Variants in PTGES3L observed in about 807,000 individuals in gnomAD.
PTGES3L encodes the protein putative protein PTGES3L.
In PTGES3L, 17 loss-of-function variants were observed where a neutral mutation model predicts 25.0. The observed-to-expected ratio is 0.68, with a 90% CI of 0.47 to 1.02. The LOEUF is 1.02. PTGES3L is among the 50% of genes least tolerant of loss of function. The pLI, the probability that PTGES3L is intolerant of heterozygous loss-of-function variation, is 0.00. For synonymous variants in PTGES3L, 59 were observed against 65.7 expected (o/e 0.90, Z 0.50); for missense variants, 202 against 197.5 (o/e 1.02, Z -0.14).
chr17:42,973,019 G>A (rs1349672381), intron 4 of PTGES3L, among the ~76,000 whole-genome samples: 2 of 141,326 alleles, frequency 1.4e-5, no homozygotes, highest in African/African-American at 2.7e-5. Context: ...CCGCGACCCC[G>A]TCTGGGAGGT....
At chr17:42,974,722 G>A (rs531759278) in intron 4 of PTGES3L, among the ~76,000 whole-genome samples, 2 of 149,120 alleles carry the variant, frequency 1.3e-5, no homozygotes, top group African/African-American at 2.5e-5. Flanking sequence ...GCAGTGAGTC[G>A]AGATCACGCC....
chr17:42,979,387 C>T lies in PTGES3L; in HGVS notation c.180G>A (p.Val60=), dbSNP rs746017027. The T allele has an allele frequency of 3.1e-6, 5 of 1,614,168 alleles. No homozygotes were observed. Among genetic ancestry groups the T allele is most frequent in the Non-Finnish European group, 4.2e-6 (5 of 1,180,024 alleles). Residue 60 remains valine (V), a synonymous_variant, in exon 3 of 7, where the codon GTG becomes GTA. Transcript: ENST00000591916. ...CCCATTTCACCCTTACCTTGGAGTT[C>T]ACTTTGGCATAGAACTCAATCTCAT... ...LYNEIEFYAK[V]NSKDSQDKRS...
chr17:42,979,829 G>A lies in PTGES3L; in HGVS notation c.9-166C>T, dbSNP rs750120984. 406 of 1,423,922 alleles carry A rather than the reference G, an allele frequency of 2.9e-4. 3 individuals are homozygous for A. The Middle Eastern group carries it at 9.6e-3, about 34-fold the overall frequency. The allele number at this position is 1,423,922 out of a possible 1,614,324, so 88.2% of individuals were successfully genotyped here. On this transcript the variant is annotated intron_variant, in intron 1 of 6. Transcript: ENST00000591916. ...GGAATGACAGGAGTGGGTGGGTGTG[G>A]TGAATGTGAACCTGGGAAGAATAGA...
At chr17:42,979,793 T>A (rs1271332463) in intron 1 of PTGES3L, 130 bp from the exon 2 acceptor site, 1 of 1,435,918 alleles carries the variant, frequency 7.0e-7, no homozygotes, top group Non-Finnish European at 9.4e-7. Flanking sequence ...ACAGAAGGGG[T>A]GAAAGGGAAG....
rs1390852635 is a variant in PTGES3L, at chr17:42,972,619, C to T, written c.289-923G>A. On this transcript the variant is annotated intron_variant, in intron 4 of 6. Coordinates refer to ENST00000591916, the MANE Select transcript of PTGES3L (RefSeq NM_001261430.2). Reference sequence around the variant, plus strand: ...GATTGCAGACGGAGTCTCGTTCACTCAGTGCTCAATGGTGCCCAGGCTGGA... The same window carrying T: ...GATTGCAGACGGAGTCTCGTTCACTTAGTGCTCAATGGTGCCCAGGCTGGA... Among the ~76,000 whole-genome samples, 3 of 152,236 alleles carry T rather than the reference C, an allele frequency of 2.0e-5. No individual in the cohort carries two copies. In the East Asian group the frequency reaches 5.8e-4, roughly 30 times the overall value.
chr17:42,973,645 A>C (rs1424317602), intron 4 of PTGES3L, among the ~76,000 whole-genome samples: 3 of 149,344 alleles, frequency 2.0e-5, no homozygotes, highest in African/African-American at 7.3e-5. Context: ...TTTGTTCTGC[A>C]CTAAGAAAAA....
Position 42,969,101 on chromosome 17 carries a change from A to T in PTGES3L, c.*47T>A, listed in dbSNP as rs2049782736. ...GCCTAGGCGCTAGCTTTCTAGAACA[A>T]CTGGAAAATAGCCACAGCTGCCTTC... On this transcript the variant is annotated 3_prime_UTR_variant, in exon 7 of 7. Transcript: ENST00000591916. The T allele has an allele frequency of 6.8e-7, 1 of 1,463,530 alleles. No individual in the cohort carries two copies. Among genetic ancestry groups the T allele is most frequent in the East Asian group, 2.5e-5 (1 of 40,498 alleles). 90.7% of individuals were successfully genotyped at this position (1,463,530 alleles called of 1,614,324 possible).
At chr17:42,979,779 T>A in intron 1 of PTGES3L, 116 bp from the exon 2 acceptor site, 1 of 1,466,314 alleles carries the variant, frequency 6.8e-7, no homozygotes, top group Non-Finnish European at 9.3e-7. Context: ...TGGAGCTAAA[T>A]GAGACAGAAG....
chr17:42,975,135 C>CAA (rs11398866), intron 4 of PTGES3L, among the ~76,000 whole-genome samples: 3,496 of 95,294 alleles, frequency 0.037, 161 homozygotes, highest in Non-Finnish European at 0.047. Flanking sequence ...CATCCTGTCT[C>CAA]AAAAAAAAAA....
At chr17:42,973,036 C>T (rs1167227645) in intron 4 of PTGES3L, among the ~76,000 whole-genome samples, 1 of 138,764 alleles carries the variant, frequency 7.2e-6, no homozygotes, top group African/African-American at 2.7e-5. Flanking sequence ...AGGTGAGGAG[C>T]GTCTCTGCCC....
At chr17:42,978,096 A>AAAC (rs2049994848) in intron 4 of PTGES3L, among the ~76,000 whole-genome samples, 2 of 150,570 alleles carry the variant, frequency 1.3e-5, no homozygotes, top group Admixed American at 6.6e-5. Flanking sequence ...AAAAAAAAAA[A>AAAC]AAAACAGAAA....
Position 42,969,188 on chromosome 17 carries a change from T to TGGG in PTGES3L, c.433-5_433-3dup, listed in dbSNP as rs747833167. 1.4e-5 allele frequency: 14 copies of TGGG among 1,011,954 alleles called. No homozygotes were observed. In the African/African-American group the frequency reaches 4.4e-4, roughly 32 times the overall value. 62.7% of individuals were successfully genotyped at this position (1,011,954 alleles called of 1,614,324 possible). On this transcript the variant is annotated splice_polypyrimidine_tract_variant and splice_region_variant and intron_variant, in intron 6 of 6. Transcript: ENST00000591916. ...ATCATCAGCACTGTCAGAATCATCC[T>TGGG]GGGGGCGGGGGGGAAAAAAGACAAA... is the stretch of plus-strand genomic sequence containing the variant.
chr17:42,972,464 C>T (rs2049861159), intron 4 of PTGES3L, among the ~76,000 whole-genome samples: 1 of 151,784 alleles, frequency 6.6e-6, no homozygotes, highest in South Asian at 2.1e-4. Context: ...TGCCGAGTGC[C>T]TGCGATTGCA....
chr17:42,977,531 G>A (rs542795543), intron 4 of PTGES3L, among the ~76,000 whole-genome samples: 1 of 151,386 alleles, frequency 6.6e-6, no homozygotes, highest in South Asian at 2.1e-4. Context: ...TTGAACCCAG[G>A]AGGCGGAGGT....
chr17:42,973,176 A>G (rs1434143135), intron 4 of PTGES3L, among the ~76,000 whole-genome samples: 13 of 97,466 alleles, frequency 1.3e-4, no homozygotes, highest in South Asian at 7.7e-4. Flanking sequence ...CAGCCACCCC[A>G]TCCGGGAGGG....
chr17:42,970,676 G>GCGCGCACACACACACACACACACACACA (rs1490786473), intron 5 of PTGES3L, among the ~76,000 whole-genome samples: 1 of 144,092 alleles, frequency 6.9e-6, no homozygotes, highest in African/African-American at 2.6e-5. Context: ...CTTAACACGC[G>GCGCGCACACACACACACACACACACACA]CACACACACA....
At chr17:42,979,309 G>C (rs1197722367) in intron 3 of PTGES3L, 41 bp from the exon 4 acceptor site, 9 of 1,613,942 alleles carry the variant, frequency 5.6e-6, no homozygotes, top group Non-Finnish European at 6.8e-6. Flanking sequence ...CTGGGGTTTA[G>C]AATTAATCTC....
chr17:42,979,524 A>C (rs776604193), intron 2 of PTGES3L, 26 bp downstream of exon 2: 5 of 1,614,132 alleles, frequency 3.1e-6, no homozygotes, highest in Non-Finnish European at 4.2e-6. Flanking sequence ...CTGGGAAGCC[A>C]GGCCCTCGGA....
chr17:42,979,740 G>T, intron 1 of PTGES3L, 77 bp from the exon 2 acceptor site: 1 of 1,539,290 alleles, frequency 6.5e-7, no homozygotes, highest in Non-Finnish European at 8.8e-7. Flanking sequence ...GACTACCCAG[G>T]GACCTTTGAT....
Sources: allele counts gnomAD v4.1 joint callset (sites outside exome capture counted in the v4.1 genomes callset), GRCh38; gene constraint gnomAD v4.1.1; transcripts MANE v1.5; gene names NCBI Gene and HGNC (gene_info 2026-07-23, HGNC 2026-07-21).